Variants in PTPRN2 observed in about 807,000 individuals in gnomAD.
PTPRN2 encodes the protein protein tyrosine phosphatase receptor type N2, also known as receptor-type tyrosine-protein phosphatase N2.
A neutral mutation model predicts 118.8 loss-of-function variants in PTPRN2; 74 were observed. That is an observed-to-expected ratio of 0.62 (90% CI 0.52 to 0.76). The LOEUF is 0.76. Ranked by LOEUF, PTPRN2 falls within the 30% of genes least tolerant of loss-of-function variation. The pLI, the probability that PTPRN2 is intolerant of heterozygous loss-of-function variation, is 0.00. For missense variants in PTPRN2, 1,481 were observed against 1,394.4 expected (o/e 1.06, Z -0.99); for synonymous variants, 641 against 608.0 (o/e 1.05, Z -0.80).
intron 2 of PTPRN2, among the ~76,000 whole-genome samples, chr7:158,404,262 C>T (rs116985161): frequency 1.1e-4 from 16 of 152,322 alleles, no homozygotes; most frequent in Non-Finnish European, 2.4e-4. Context: ...GCTGCTGTGT[C>T]ACACGTGGGA....
intron 3 of PTPRN2, among the ~76,000 whole-genome samples, chr7:158,278,619 G>C (rs1023875779): frequency 1.3e-5 from 2 of 152,258 alleles, no homozygotes; most frequent in African/African-American, 4.8e-5. Flanking sequence ...GAATTGGTGG[G>C]TTCTTGGTCT....
chr7:158,180,450 C>A (rs1485670197), intron 5 of PTPRN2, among the ~76,000 whole-genome samples: 1 of 152,062 alleles, frequency 6.6e-6, no homozygotes, highest in Non-Finnish European at 1.5e-5. Context: ...ATTGCTTTTG[C>A]TATTTGGGCT....
At chr7:158,080,803 C>T (rs1305160254) in intron 11 of PTPRN2, among the ~76,000 whole-genome samples, 3 of 152,184 alleles carry the variant, frequency 2.0e-5, no homozygotes, top group East Asian at 1.9e-4. Flanking sequence ...GTCTGGAAGT[C>T]GGCCGGTTTT....
chr7:158,324,163 T>G (rs1421755221), intron 2 of PTPRN2, among the ~76,000 whole-genome samples: 1 of 151,860 alleles, frequency 6.6e-6, no homozygotes, highest in Non-Finnish European at 1.5e-5. Flanking sequence ...ACACACAGTC[T>G]CCGCATAGAC....
chr7:157,947,668 T>G (rs1471928167), intron 11 of PTPRN2, among the ~76,000 whole-genome samples: 1 of 152,102 alleles, frequency 6.6e-6, no homozygotes, highest in African/African-American at 2.4e-5. Flanking sequence ...ACCAATACTA[T>G]CCCAAATTTG....
intron 14 of PTPRN2, among the ~76,000 whole-genome samples, chr7:157,655,790 T>A (rs999525960): frequency 6.6e-6 from 1 of 152,140 alleles, no homozygotes; most frequent in Non-Finnish European, 1.5e-5. Flanking sequence ...GGAGTGGCAA[T>A]GCACGGCCAC....
At chr7:158,537,880 T>G (rs1825740602) in intron 1 of PTPRN2, among the ~76,000 whole-genome samples, 1 of 152,278 alleles carries the variant, frequency 6.6e-6, no homozygotes, top group Non-Finnish European at 1.5e-5. Flanking sequence ...AATGTTCCTT[T>G]CCCTGTAATA....
rs111226763 is a variant in PTPRN2 at position 158,111,783 on chromosome 7, A to G, written c.1557-868T>C. 3.4e-3 allele frequency among the ~76,000 whole-genome samples: 519 copies of G among 152,144 alleles called. 5 individuals are homozygous for G. The highest frequency in any genetic ancestry group is 0.012 in the African/African-American group (498 of 41,502). Reference sequence around the variant, plus strand: ...CTAGAGATGCTGGTGAATAGAAATCAATCATGCTATGATGGGTTGAATTAT... The same window carrying G: ...CTAGAGATGCTGGTGAATAGAAATCGATCATGCTATGATGGGTTGAATTAT... On this transcript the variant is annotated intron_variant, in intron 9 of 22. Coordinates refer to ENST00000389418, the MANE Select transcript of PTPRN2 (RefSeq NM_002847.5).
chr7:157,741,980 G>C (rs1800658352), intron 12 of PTPRN2, among the ~76,000 whole-genome samples: 1 of 152,232 alleles, frequency 6.6e-6, no homozygotes, highest in African/African-American at 2.4e-5. Context: ...GTGCAGTCGG[G>C]TGTGGCAGGG....
chr7:157,595,173 G>A, intron 17 of PTPRN2, 65 bp downstream of exon 17: 1 of 1,466,220 alleles, frequency 6.8e-7, no homozygotes, highest in Non-Finnish European at 9.6e-7. Context: ...TTCAAGACAT[G>A]ATTCGTGACC....
At chr7:158,447,443 C>A (rs1817800300) in intron 2 of PTPRN2, among the ~76,000 whole-genome samples, 1 of 152,206 alleles carries the variant, frequency 6.6e-6, no homozygotes, top group African/African-American at 2.4e-5. Context: ...CATAATTAGG[C>A]CCTGACGGAC....
At chr7:157,567,815 G>T (rs1356130418) in intron 21 of PTPRN2, among the ~76,000 whole-genome samples, 1 of 152,102 alleles carries the variant, frequency 6.6e-6, no homozygotes, top group Non-Finnish European at 1.5e-5. Flanking sequence ...GACGCTAACG[G>T]GTATCGCAAG....
intron 17 of PTPRN2, among the ~76,000 whole-genome samples, chr7:157,592,943 G>A (rs1347501131): frequency 3.7e-5 from 5 of 133,482 alleles, no homozygotes; most frequent in South Asian, 2.6e-4. Flanking sequence ...TGTGGCACCT[G>A]CTGAATGGAG....
intron 12 of PTPRN2, among the ~76,000 whole-genome samples, chr7:157,786,637 C>CG (rs1804056983): frequency 6.6e-6 from 1 of 152,188 alleles, no homozygotes; most frequent in South Asian, 2.1e-4. Flanking sequence ...AGATAGAGGA[C>CG]GGTGAGGCGC....
chr7:158,274,983 G>A (rs1798863222), intron 3 of PTPRN2, among the ~76,000 whole-genome samples: 1 of 152,248 alleles, frequency 6.6e-6, no homozygotes, highest in South Asian at 2.1e-4. Flanking sequence ...CTGGGGCGTA[G>A]CAGAGTCCTG....
chr7:158,278,475 C>T (rs10282721), intron 3 of PTPRN2, among the ~76,000 whole-genome samples: 145,985 of 152,334 alleles, frequency 0.96, 70,003 homozygotes, highest in African/African-American at 0.99. Context: ...GAGAATTGCT[C>T]GAACCGGTAG....
intron 12 of PTPRN2, among the ~76,000 whole-genome samples, chr7:157,803,374 C>T (rs1805439114): frequency 6.6e-6 from 1 of 152,198 alleles, no homozygotes; most frequent in Non-Finnish European, 1.5e-5. Context: ...CTCACCCTAC[C>T]TTTCGTGGGC....
At chr7:158,020,891 G>A (rs549787911) in intron 11 of PTPRN2, among the ~76,000 whole-genome samples, 5 of 152,236 alleles carry the variant, frequency 3.3e-5, no homozygotes, top group East Asian at 3.9e-4. Context: ...TGTGGATGCC[G>A]TCCTCACTCA....
intron 2 of PTPRN2, among the ~76,000 whole-genome samples, chr7:158,345,097 C>A (rs1475447419): frequency 1.3e-5 from 2 of 152,178 alleles, no homozygotes; most frequent in African/African-American, 4.8e-5. Context: ...TGAGGGTGGA[C>A]CCTGCTGCCT....
Sources: gnomAD v4.1 joint callset for allele counts (sites outside exome capture counted in the v4.1 genomes callset) on GRCh38, gnomAD v4.1.1 for gene constraint, MANE v1.5 for transcripts, NCBI Gene and HGNC (gene_info 2026-07-23, HGNC 2026-07-21) for gene names.